TTC4: variants seen among roughly 807,000 people sequenced by gnomAD.
TTC4 encodes the protein hsp70/Hsp90 co-chaperone CNS1 homolog.
TTC4 carries 36 observed loss-of-function variants against 51.9 expected under a neutral mutation model. The ratio of observed to expected loss-of-function variants is 0.69; its 90% confidence interval spans 0.53 to 0.92. TTC4 has a LOEUF of 0.92. Ranked by LOEUF, TTC4 falls within the 40% of genes least tolerant of loss-of-function variation. The pLI is 0.00. For missense variants in TTC4, 399 were observed against 454.6 expected (o/e 0.88, Z 1.11); for synonymous variants, 144 against 164.2 (o/e 0.88, Z 0.94).
In TTC4 at chr1:54,715,875, G is replaced by A. The variant is rs552862331; in HGVS notation, c.-34G>A. ...CGGAAGGAGCCGCTCGCTTCACGGCGCTGGGACCCGGGCTGGAAGGCAGGG... is the reference window on the plus strand; with the variant it reads ...CGGAAGGAGCCGCTCGCTTCACGGCACTGGGACCCGGGCTGGAAGGCAGGG... On this transcript the variant is annotated 5_prime_UTR_variant, in exon 1 of 10. Coordinates refer to ENST00000371281, the MANE Select transcript of TTC4 (RefSeq NM_004623.5). 1 of 1,548,276 alleles carries A rather than the reference G, an allele frequency of 6.5e-7. No homozygotes were observed. The highest frequency in any genetic ancestry group is 8.8e-7 in the Non-Finnish European group (1 of 1,137,722).
chr1:54,720,437 CT>C (rs67813981), intron 3 of TTC4, among the ~76,000 whole-genome samples: 13,743 of 128,512 alleles, frequency 0.11, 861 homozygotes, highest in East Asian at 0.32. Flanking sequence ...TGACTGCATA[CT>C]TTTTTTTTTT....
At chr1:54,716,482 A>C in intron 1 of TTC4, 118 bp from the exon 2 acceptor site, 4 of 733,524 alleles carry the variant, frequency 5.5e-6, no homozygotes, top group Non-Finnish European at 9.2e-6. Flanking sequence ...GAATGGATAC[A>C]GCTAGCTGTG....
chr1:54,716,212 C>G, intron 1 of TTC4, 193 bp downstream of exon 1: 1 of 593,738 alleles, frequency 1.7e-6, no homozygotes, highest in East Asian at 2.9e-5. Context: ...GTTTTGGAGT[C>G]AGGCCTGTGA....
At chr1:54,733,752 T>TC (rs1645899856) in intron 8 of TTC4, 42 bp downstream of exon 8, 1 of 208,700 alleles carries the variant, frequency 4.8e-6, no homozygotes, top group African/African-American at 9.4e-5. Context: ...AATTAATTTT[T>TC]TTTTTTTTTT....
intron 3 of TTC4, among the ~76,000 whole-genome samples, chr1:54,718,147 G>A (rs542116595): frequency 9.9e-5 from 15 of 152,228 alleles, no homozygotes; most frequent in South Asian, 8.3e-4. Context: ...TTGGGAGGCT[G>A]AGACAGGAGG....
chr1:54,732,803 C>T (rs1252786481), intron 7 of TTC4, among the ~76,000 whole-genome samples: 1 of 151,372 alleles, frequency 6.6e-6, no homozygotes, highest in Non-Finnish European at 1.5e-5. Context: ...AAAATTATGT[C>T]AGCTGGGCAT....
chr1:54,729,494 C>T (rs561337832), intron 6 of TTC4, among the ~76,000 whole-genome samples: 1 of 152,254 alleles, frequency 6.6e-6, no homozygotes, highest in South Asian at 2.1e-4. Flanking sequence ...CGGGTCCTTG[C>T]TCTTAACCAC....
intron 4 of TTC4, among the ~76,000 whole-genome samples, chr1:54,722,076 C>T (rs1430993625): frequency 1.3e-5 from 2 of 151,730 alleles, no homozygotes; most frequent in Non-Finnish European, 2.9e-5. Context: ...TTTTGAAATT[C>T]TGTGGAAAAC....
intron 5 of TTC4, among the ~76,000 whole-genome samples, chr1:54,728,130 A>G (rs1051396796): frequency 6.6e-6 from 1 of 152,174 alleles, no homozygotes; most frequent in Non-Finnish European, 1.5e-5. Context: ...TTCCTTGGGT[A>G]CATACAGGAA....
intron 5 of TTC4, among the ~76,000 whole-genome samples, chr1:54,723,512 G>A (rs10489662): frequency 0.092 from 14,065 of 152,196 alleles, 923 homozygotes; most frequent in South Asian, 0.19. Context: ...CTTAAGACTA[G>A]TTCTGGCTTT....
intron 5 of TTC4, among the ~76,000 whole-genome samples, chr1:54,725,861 C>T (rs1295045582): frequency 5.3e-5 from 8 of 152,130 alleles, no homozygotes; most frequent in Admixed American, 3.3e-4. Flanking sequence ...GGCTCAACAG[C>T]GCATTTGAGC....
At chr1:54,720,256 A>T (rs1443454041) in intron 3 of TTC4, among the ~76,000 whole-genome samples, 3 of 152,138 alleles carry the variant, frequency 2.0e-5, no homozygotes, top group Non-Finnish European at 4.4e-5. Context: ...GCAGTAGACC[A>T]CATGTGGCCT....
chr1:54,730,843 A>C (rs1319911713), intron 6 of TTC4, among the ~76,000 whole-genome samples: 1 of 145,784 alleles, frequency 6.9e-6, no homozygotes, highest in African/African-American at 2.6e-5. Context: ...TGCTCGTTGG[A>C]GTGGAAGGCT....
At chr1:54,734,384 C>T (rs1457527136) in intron 8 of TTC4, among the ~76,000 whole-genome samples, 2 of 151,100 alleles carry the variant, frequency 1.3e-5, no homozygotes, top group African/African-American at 4.9e-5. Flanking sequence ...AATTGTTTTC[C>T]TTTTTATTTA....
chr1:54,718,537 G>A lies in TTC4; in HGVS notation c.391+884G>A, dbSNP rs139006131. Among the ~76,000 whole-genome samples, 403 of 152,162 alleles carry A rather than the reference G, an allele frequency of 2.6e-3. 1 individual carries two copies. Among genetic ancestry groups the A allele is most frequent in the African/African-American group, 9.5e-3 (394 of 41,508 alleles). ...ATTGGAATTACAGGTGTGAGCCACC[G>A]CACCCAGGAGATTGAGGAAGTTTGG... On this transcript the variant is annotated intron_variant, in intron 3 of 9. Coordinates refer to ENST00000371281, the MANE Select transcript of TTC4 (RefSeq NM_004623.5).
chr1:54,724,141 G>C (rs750831879), intron 5 of TTC4, among the ~76,000 whole-genome samples: 7 of 152,230 alleles, frequency 4.6e-5, no homozygotes, highest in Non-Finnish European at 8.8e-5. Flanking sequence ...CCCTGTGTCT[G>C]AGTACAAGCT....
rs371403281 is a variant in TTC4 at position 54,733,747 on chromosome 1, A to ATT, written c.978+62_978+63dup. On this transcript the variant is annotated intron_variant, in intron 8 of 9. Coordinates refer to ENST00000371281, the MANE Select transcript of TTC4 (RefSeq NM_004623.5). Reference sequence around the variant, plus strand: ...TTTATTTCGTTCCTCTATGGAATTAATTTTTTTTTTTTTTTTTTTTTTTTT... The same window carrying ATT: ...TTTATTTCGTTCCTCTATGGAATTAATTTTTTTTTTTTTTTTTTTTTTTTTTT... The ATT allele has an allele frequency of 2.4e-3, 1,930 of 797,888 alleles. 4 individuals carry two copies. Among genetic ancestry groups the ATT allele is most frequent in the African/African-American group, 3.8e-3 (141 of 37,048 alleles). The allele number at this position is 797,888 out of a possible 1,614,324, so 49.4% of individuals were successfully genotyped here.
intron 8 of TTC4, among the ~76,000 whole-genome samples, chr1:54,735,509 C>T (rs1423480531): frequency 1.3e-5 from 2 of 152,172 alleles, no homozygotes; most frequent in Non-Finnish European, 2.9e-5. Flanking sequence ...GTGTGAGCCA[C>T]CATGCCCGGC....
chr1:54,735,731 G>A (rs962086313), intron 8 of TTC4, among the ~76,000 whole-genome samples: 15 of 152,148 alleles, frequency 9.9e-5, no homozygotes, highest in South Asian at 2.1e-4. Context: ...TTGAAATGGT[G>A]TAAATATCCC....
Sources: gnomAD v4.1 joint callset for allele counts (sites outside exome capture counted in the v4.1 genomes callset) on GRCh38, gnomAD v4.1.1 for gene constraint, MANE v1.5 for transcripts, NCBI Gene and HGNC (gene_info 2026-07-23, HGNC 2026-07-21) for gene names.